The following RRN3 variants were observed in gnomAD, a reference collection of about 807,000 sequenced individuals.
RRN3 encodes the protein RNA polymerase I-specific transcription initiation factor RRN3.
A neutral mutation model predicts 82.3 loss-of-function variants in RRN3; 38 were observed. That is an observed-to-expected ratio of 0.46 (90% CI 0.36 to 0.61). The LOEUF (loss-of-function observed/expected upper bound fraction) is 0.61, where lower values mean the gene tolerates loss of function less well. Ranked by LOEUF, RRN3 falls within the 20% of genes least tolerant of loss-of-function variation. RRN3 has a pLI of 0.00. For synonymous variants in RRN3, 284 were observed against 284.3 expected, an observed-to-expected ratio of 1.00 and a Z score of 0.01; for missense variants, 726 against 793.1, an observed-to-expected ratio of 0.92 and a Z score of 1.02.
chr16:15,071,326 T>C, intron 12 of RRN3, 75 bp from the exon 13 acceptor site: 1 of 1,401,526 alleles, frequency 7.1e-7, no homozygotes, highest in Non-Finnish European at 9.7e-7. Context: ...CCCAAGATTT[T>C]TACTTCACCA....
intron 16 of RRN3, 75 bp downstream of exon 16, chr16:15,065,144 C>T (rs148347276): frequency 0.026 from 38,014 of 1,461,704 alleles, 590 homozygotes; most frequent in East Asian, 0.064. Context: ...CCAGCCTGGG[C>T]GACAGAGTGA....
Position 15,060,165 on chromosome 16 carries a change from A to G in RRN3, c.*1579T>C, listed in dbSNP as rs957921553. 1 of 424,634 alleles carries G rather than the reference A, an allele frequency of 2.4e-6. No individual in the cohort carries two copies. The highest frequency in any genetic ancestry group is 4.7e-6 in the Non-Finnish European group (1 of 214,570). 26.3% of individuals were successfully genotyped at this position (424,634 alleles called of 1,614,324 possible). A position where few individuals can be genotyped will look rare whatever the true frequency, so the allele number is the denominator to read the frequency against. ...CAGACTTATATGTAAATGTCTTTCT[A>G]CATTAAAACTACTTCCCAACCCACA... On this transcript the variant is annotated 3_prime_UTR_variant, in exon 18 of 18. Transcript: ENST00000198767.
In RRN3 at chr16:15,084,661, T is replaced by C. The variant is rs747347178; in HGVS notation, c.577A>G (p.Ile193Val). 6 of 1,612,054 alleles carry C rather than the reference T, an allele frequency of 3.7e-6. No individual in the cohort carries two copies. The East Asian group carries it at 1.3e-4, about 36-fold the overall frequency. The change falls in exon 7 of 18, where the codon ATA becomes GTA. Residue 193 changes from isoleucine to valine, a missense_variant. Physicochemically the swap from Ile to Val is conservative, Grantham distance 29. Coordinates refer to ENST00000198767, the MANE Select transcript of RRN3 (RefSeq NM_018427.5). ...FDTCHRALQI[I>V]ARYVPSTPWF... is the part of the protein sequence containing the mutation. ...ACTCACGATGGTACATATCTTGCTA[T>C]TATTTGCAAGGCTCTGTGACATGTG...
intron 3 of RRN3, among the ~76,000 whole-genome samples, chr16:15,088,075 C>A (rs1426565270): frequency 6.6e-6 from 1 of 151,960 alleles, no homozygotes; most frequent in Non-Finnish European, 1.5e-5. Context: ...AAGATCATGC[C>A]ACTGCACTCC....
Position 15,085,718 on chromosome 16 carries a change from A to G in RRN3, c.473-20T>C, listed in dbSNP as rs754024565. The G allele has an allele frequency of 6.2e-7, 1 of 1,612,584 alleles. No individual in the cohort carries two copies. The highest frequency in any genetic ancestry group is 2.2e-5 in the East Asian group (1 of 44,894). Reference sequence around the variant, plus strand: ...CTCGGGCTTTTGAGGGAAAAAGAAAATATGTTATTCTGTCATTGATCTAGA... The same window carrying G: ...CTCGGGCTTTTGAGGGAAAAAGAAAGTATGTTATTCTGTCATTGATCTAGA... On this transcript the variant is annotated intron_variant, in intron 5 of 17. Transcript: ENST00000198767.
At position 15,086,412 on chromosome 16, in the gene RRN3, T is replaced by C. The variant is rs1247536088; in HGVS notation, c.295A>G (p.Ile99Val). 10 of 1,613,606 alleles carry C rather than the reference T, an allele frequency of 6.2e-6. No individual in the cohort carries two copies. The highest frequency in any genetic ancestry group is 4.5e-5 in the East Asian group (2 of 44,860). Residue 99 changes from isoleucine to valine, a missense_variant, in exon 4 of 18, where the codon ATC becomes GTC. This residue lies in a region of RRN3 where 344 missense variants were observed against 394.5 expected (regional missense o/e 0.87). Coordinates refer to ENST00000198767, the MANE Select transcript of RRN3 (RefSeq NM_018427.5). ...TCAAAGTCTTTTGTCAAGTACATGA[T>C]AGAAGAACGGAATTCTAGCAGCCAG... ...INWLLEFRSS[I>V]MYLTKDFEQL... is the part of the protein sequence containing the mutation.
intron 2 of RRN3, among the ~76,000 whole-genome samples, chr16:15,092,110 T>G (rs2046155567): frequency 6.6e-6 from 1 of 151,858 alleles, no homozygotes; most frequent in Non-Finnish European, 1.5e-5. Flanking sequence ...ACCTGGGAGG[T>G]GGAGGATGCA....
chr16:15,065,947 T>C (rs960041957), intron 15 of RRN3, among the ~76,000 whole-genome samples: 5 of 152,260 alleles, frequency 3.3e-5, no homozygotes, highest in African/African-American at 4.8e-5. Flanking sequence ...GTTAAATGCA[T>C]AGAAGAAAAC....
chr16:15,063,851 T>C (rs1047317435), intron 16 of RRN3, among the ~76,000 whole-genome samples: 1 of 152,218 alleles, frequency 6.6e-6, no homozygotes. Flanking sequence ...TCCATTTTCA[T>C]GTGAAATTGT....
intron 9 of RRN3, among the ~76,000 whole-genome samples, chr16:15,076,983 T>C (rs1317419871): frequency 2.0e-5 from 3 of 150,432 alleles, no homozygotes; most frequent in Admixed American, 6.6e-5. Context: ...CAAATCACTT[T>C]TTTTTTTTTT....
At position 15,094,136 on chromosome 16, in the gene RRN3, G is replaced by A. The variant is rs2046255066; in HGVS notation, c.89+9C>T. 2 of 1,590,982 alleles carry A rather than the reference G, an allele frequency of 1.3e-6. No individual in the cohort carries two copies. Among genetic ancestry groups the A allele is most frequent in the Non-Finnish European group, 1.7e-6 (2 of 1,168,162 alleles). The stretch of plus-strand genomic sequence containing the variant: ...CCAGATACGCAGAAGGAAGCGGCCT[G>A]AATCTTACCCAGTCCTCGACGCGCC... On this transcript the variant is annotated intron_variant, in intron 1 of 17. Transcript: ENST00000198767.
At chr16:15,063,727 AAAAC>A (rs2044827108) in intron 16 of RRN3, among the ~76,000 whole-genome samples, 1 of 151,516 alleles carries the variant, frequency 6.6e-6, no homozygotes, top group African/African-American at 2.4e-5. Context: ...AAAAAAGAAA[AAAAC>A]AAAACAAAAA....
intron 3 of RRN3, among the ~76,000 whole-genome samples, chr16:15,087,863 C>T (rs1275365563): frequency 6.6e-6 from 1 of 152,028 alleles, no homozygotes; most frequent in Non-Finnish European, 1.5e-5. Flanking sequence ...GTCTGTAATC[C>T]CAACACTTTG....
intron 3 of RRN3, among the ~76,000 whole-genome samples, chr16:15,088,528 A>G (rs970257571): frequency 6.6e-6 from 1 of 152,104 alleles, no homozygotes; most frequent in African/African-American, 2.4e-5. Context: ...TTGGTATGTC[A>G]AAATACCAAG....
At chr16:15,087,928 A>T (rs548338967) in intron 3 of RRN3, among the ~76,000 whole-genome samples, 156 of 152,180 alleles carry the variant, frequency 1.0e-3, no homozygotes, top group African/African-American at 3.6e-3. Context: ...GAGCCTAACC[A>T]ACATGGAGAA....
At chr16:15,074,990 C>T (rs1397637148) in intron 10 of RRN3, 129 bp from the exon 11 acceptor site, 4 of 938,254 alleles carry the variant, frequency 4.3e-6, no homozygotes, top group Admixed American at 2.9e-5. Context: ...CGGCTCACAT[C>T]TATAAGCCCA....
intron 14 of RRN3, among the ~76,000 whole-genome samples, chr16:15,068,726 G>A (rs1567192141): frequency 6.6e-6 from 1 of 152,034 alleles, no homozygotes; most frequent in East Asian, 1.9e-4. Context: ...GTCATCTGTA[G>A]TTTTTTTTCT....
chr16:15,068,057 G>A lies in RRN3; in HGVS notation c.1553+112C>T, dbSNP rs976349203. Reference sequence around the variant, plus strand: ...ATTACAGGTGTCAGCCACCACGCCTGGCCTTTTATAATGTTACTAATTTCA... The same window carrying A: ...ATTACAGGTGTCAGCCACCACGCCTAGCCTTTTATAATGTTACTAATTTCA... On this transcript the variant is annotated intron_variant, in intron 15 of 17. Transcript: ENST00000198767. 1.1e-5 allele frequency: 13 copies of A among 1,180,350 alleles called. No homozygotes were observed. In the African/African-American group the frequency reaches 1.9e-4, roughly 17 times the overall value. The allele number at this position is 1,180,350 out of a possible 1,614,324, so 73.1% of individuals were successfully genotyped here.
Position 15,060,167 on chromosome 16 carries a change from A to C in RRN3, c.*1577T>G, listed in dbSNP as rs1343659100. 1 of 426,312 alleles carries C rather than the reference A, an allele frequency of 2.3e-6. No homozygotes were observed. Among genetic ancestry groups the C allele is most frequent in the Non-Finnish European group, 4.6e-6 (1 of 215,220 alleles). The allele number at this position is 426,312 out of a possible 1,614,324, so 26.4% of individuals were successfully genotyped here. A position where few individuals can be genotyped will look rare whatever the true frequency, so the allele number is the denominator to read the frequency against. ...GACTTATATGTAAATGTCTTTCTAC[A>C]TTAAAACTACTTCCCAACCCACAAA... On this transcript the variant is annotated 3_prime_UTR_variant, in exon 18 of 18. Transcript: ENST00000198767.
Sources: allele counts gnomAD v4.1 joint callset (sites outside exome capture counted in the v4.1 genomes callset), GRCh38; gene constraint gnomAD v4.1.1; regional missense constraint gnomAD v4.1.1; transcripts MANE v1.5; gene names NCBI Gene and HGNC (gene_info 2026-07-23, HGNC 2026-07-21).